Variants in COL13A1 observed in about 807,000 individuals in gnomAD.
COL13A1 encodes the protein collagen alpha-1(XIII) chain.
COL13A1 carries 89 observed loss-of-function variants against 130.9 expected under a neutral mutation model. That is an observed-to-expected ratio of 0.68 (90% CI 0.57 to 0.81). COL13A1 has a LOEUF of 0.81. Among genes scored for constraint, COL13A1 ranks in the 30% least tolerant of loss-of-function variants. The probability of loss-of-function intolerance (pLI) is 0.00; values close to 1 mark genes in which losing one functional copy is unlikely to be tolerated. For synonymous variants in COL13A1, 402 were observed against 341.6 expected (o/e 1.18, Z -1.95); for missense variants, 879 against 934.6 (o/e 0.94, Z 0.78).
chr10:69,884,010 A>G (rs2060381105), intron 7 of COL13A1, among the ~76,000 whole-genome samples: 1 of 152,176 alleles, frequency 6.6e-6, no homozygotes. Context: ...TTGAGGGAGA[A>G]GCAAGAACTC....
chr10:69,923,997 C>A, intron 24 of COL13A1, 142 bp downstream of exon 24: 1 of 1,218,214 alleles, frequency 8.2e-7, no homozygotes, highest in Non-Finnish European at 1.1e-6. Context: ...TCCTGGTTGG[C>A]TTGGGCTTTA....
chr10:69,823,636 G>A (rs1055830263), intron 2 of COL13A1, among the ~76,000 whole-genome samples: 4 of 152,206 alleles, frequency 2.6e-5, no homozygotes, highest in African/African-American at 7.2e-5. Context: ...GGGAAACGAA[G>A]GACCGCATTT....
chr10:69,895,449 G>C, intron 12 of COL13A1, 101 bp from the exon 13 acceptor site: 1 of 1,250,208 alleles, frequency 8.0e-7, no homozygotes, highest in East Asian at 2.3e-5. Flanking sequence ...GCTGGTGAGC[G>C]GTGACATGTG....
intron 35 of COL13A1, among the ~76,000 whole-genome samples, chr10:69,943,242 T>A (rs2067927124): frequency 6.6e-6 from 1 of 152,146 alleles, no homozygotes; most frequent in Non-Finnish European, 1.5e-5. Context: ...CTTACTCCCC[T>A]CTTTGTCTCA....
At chr10:69,834,917 G>A (rs144981739) in intron 2 of COL13A1, among the ~76,000 whole-genome samples, 4 of 152,334 alleles carry the variant, frequency 2.6e-5, no homozygotes, top group East Asian at 3.9e-4. Context: ...TGTAGCCATC[G>A]TCTGGGGACA....
At chr10:69,852,400 T>G (rs1208461557) in intron 2 of COL13A1, among the ~76,000 whole-genome samples, 1 of 152,264 alleles carries the variant, frequency 6.6e-6, no homozygotes, top group African/African-American at 2.4e-5. Flanking sequence ...ATCTAATTCC[T>G]TCAACTCTCC....
intron 2 of COL13A1, among the ~76,000 whole-genome samples, chr10:69,836,189 G>C (rs1200724607): frequency 1.3e-5 from 2 of 152,248 alleles, no homozygotes; most frequent in Non-Finnish European, 2.9e-5. Context: ...AGAGCCCACA[G>C]TCCAGGAAGG....
At chr10:69,807,547 CA>C (rs1841913924) in intron 1 of COL13A1, among the ~76,000 whole-genome samples, 1 of 152,096 alleles carries the variant, frequency 6.6e-6, no homozygotes, top group Non-Finnish European at 1.5e-5. Flanking sequence ...GGGGAGGGAT[CA>C]AAGCAGCAGC....
chr10:69,828,601 A>T (rs540122406), intron 2 of COL13A1, among the ~76,000 whole-genome samples: 1 of 152,212 alleles, frequency 6.6e-6, no homozygotes, highest in African/African-American at 2.4e-5. Flanking sequence ...CACACAACTC[A>T]TGCTATTCTG....
At position 69,802,571 on chromosome 10, in the gene COL13A1, C is replaced by T; in HGVS notation, c.148C>T (p.Leu50=). ...PSPGSCGLLT[L]ALCSLALSLL... ...TCCAGGGTCGTGCGGGCTGCTGACG[C>T]TGGCCCTCTGCTCGCTGGCACTCAG... The change falls in exon 1 of 41, where the codon CTG becomes TTG. Residue 50 remains leucine (L), a synonymous_variant. Transcript: ENST00000645393. The T allele has an allele frequency of 6.2e-7, 1 of 1,611,124 alleles. No homozygotes were observed. Among genetic ancestry groups the T allele is most frequent in the Non-Finnish European group, 8.5e-7 (1 of 1,178,790 alleles).
At chr10:69,925,745 A>C (rs2065257515) in intron 25 of COL13A1, 59 bp from the exon 26 acceptor site, 2 of 1,333,364 alleles carry the variant, frequency 1.5e-6, no homozygotes, top group Middle Eastern at 1.8e-4. Context: ...AGCAGGCCAC[A>C]GTTGCCCTCC....
chr10:69,866,828 G>T (rs2058566733), intron 2 of COL13A1, among the ~76,000 whole-genome samples: 1 of 152,144 alleles, frequency 6.6e-6, no homozygotes, highest in South Asian at 2.1e-4. Context: ...GGAGCACGGG[G>T]AAACATAGGA....
intron 17 of COL13A1, among the ~76,000 whole-genome samples, chr10:69,911,998 A>T (rs766514203): frequency 6.6e-6 from 1 of 152,218 alleles, no homozygotes; most frequent in Non-Finnish European, 1.5e-5. Context: ...CCCTAGATGC[A>T]GGAGCCTGCT....
At chr10:69,952,747 TG>T in intron 38 of COL13A1, 134 bp from the exon 39 acceptor site, 1 of 624,686 alleles carries the variant, frequency 1.6e-6, no homozygotes, top group Non-Finnish European at 2.6e-6. Context: ...CAAATCCTAC[TG>T]GGGAGAATAT....
At chr10:69,897,520 A>G (rs779083015) in intron 13 of COL13A1, 1 of 1,613,844 alleles carries the variant, frequency 6.2e-7, no homozygotes, top group Non-Finnish European at 8.5e-7. Context: ...CAGCCAAATA[A>G]TTGCCCTGAA....
intron 32 of COL13A1, among the ~76,000 whole-genome samples, chr10:69,936,102 GAGGAAGGAAGGAAGGAAGGA>G (rs2066820579): frequency 2.8e-5 from 2 of 72,386 alleles, no homozygotes; most frequent in Non-Finnish European, 5.2e-5. Flanking sequence ...GGAGGGAAGG[GAGGAAGGAAGGAAGGAAGGA>G]AGGAAAGAAG....
intron 19 of COL13A1, 122 bp from the exon 20 acceptor site, chr10:69,918,940 C>G: frequency 1.8e-6 from 2 of 1,127,160 alleles, no homozygotes. Context: ...AGAGCCGGGG[C>G]TGGCCAGATG....
intron 10 of COL13A1, among the ~76,000 whole-genome samples, chr10:69,892,661 G>A (rs1221690377): frequency 1.3e-5 from 2 of 152,242 alleles, no homozygotes; most frequent in Admixed American, 1.3e-4. Context: ...CTGCTGGCAA[G>A]TGCTAAGCAC....
intron 17 of COL13A1, among the ~76,000 whole-genome samples, chr10:69,912,473 C>G (rs1015561307): frequency 1.3e-5 from 2 of 152,116 alleles, no homozygotes; most frequent in Admixed American, 1.3e-4. Context: ...AACCGTTAGC[C>G]CTCCACACCT....
Sources: allele counts gnomAD v4.1 joint callset (sites outside exome capture counted in the v4.1 genomes callset), GRCh38; gene constraint gnomAD v4.1.1; transcripts MANE v1.5; gene names NCBI Gene and HGNC (gene_info 2026-07-23, HGNC 2026-07-21).